The following ZMYND8 variants were observed in gnomAD, a reference collection of about 807,000 sequenced individuals.
ZMYND8 encodes the protein MYND-type zinc finger-containing chromatin reader ZMYND8.
In ZMYND8, 37 loss-of-function variants were observed where a neutral mutation model predicts 140.8. That is an observed-to-expected ratio of 0.26 (90% CI 0.20 to 0.35). The LOEUF (loss-of-function observed/expected upper bound fraction) is 0.35. Ranked by LOEUF, ZMYND8 falls within the 10% of genes least tolerant of loss-of-function variation. ZMYND8 has a pLI of 1.00. For missense variants in ZMYND8, 1,068 were observed against 1,570.0 expected (o/e 0.68, Z 5.40); for synonymous variants, 592 against 597.1 (o/e 0.99, Z 0.12).
At chr20:47,314,064 C>G (rs2079177600) in intron 2 of ZMYND8, among the ~76,000 whole-genome samples, 1 of 151,718 alleles carries the variant, frequency 6.6e-6, no homozygotes, top group Non-Finnish European at 1.5e-5. Flanking sequence ...AAAAGTACAA[C>G]AAAGCTCGAC....
At chr20:47,240,493 G>A (rs749664133) in intron 14 of ZMYND8, among the ~76,000 whole-genome samples, 1 of 151,982 alleles carries the variant, frequency 6.6e-6, no homozygotes, top group South Asian at 2.1e-4. Flanking sequence ...CAGCCTGGGT[G>A]ACAGGGTGAG....
intron 11 of ZMYND8, among the ~76,000 whole-genome samples, chr20:47,273,206 G>T (rs554998805): frequency 6.6e-6 from 1 of 152,148 alleles, no homozygotes; most frequent in Admixed American, 6.5e-5. Flanking sequence ...GCGAAGAAAG[G>T]TATTTTAACA....
intron 2 of ZMYND8, chr20:47,319,177 G>T: frequency 2.0e-6 from 1 of 500,750 alleles, no homozygotes; most frequent in Non-Finnish European, 3.5e-6. Context: ...TCACCTCTTT[G>T]CAATCAGGCA....
chr20:47,302,887 G>A (rs1406890666), intron 3 of ZMYND8, among the ~76,000 whole-genome samples: 4 of 152,174 alleles, frequency 2.6e-5, no homozygotes, highest in African/African-American at 9.7e-5. Flanking sequence ...AGCATCCAGG[G>A]CACAGGCTCT....
At chr20:47,339,565 C>T (rs537252769) in intron 2 of ZMYND8, among the ~76,000 whole-genome samples, 1 of 152,100 alleles carries the variant, frequency 6.6e-6, no homozygotes, top group South Asian at 2.1e-4. Context: ...CAAGCTCCGC[C>T]TCCCGGGTTC....
intron 17 of ZMYND8, among the ~76,000 whole-genome samples, chr20:47,229,358 C>T (rs1601021701): frequency 6.6e-6 from 1 of 152,018 alleles, no homozygotes; most frequent in Non-Finnish European, 1.5e-5. Context: ...GACTCCAGTA[C>T]ACAAATTATT....
At chr20:47,332,307 T>A (rs185860721) in intron 2 of ZMYND8, among the ~76,000 whole-genome samples, 261 of 151,706 alleles carry the variant, frequency 1.7e-3, no homozygotes, top group Non-Finnish European at 3.2e-3. Context: ...TGAGACTCAA[T>A]CTCAAAAAAA....
chr20:47,221,335 C>G lies in ZMYND8; in HGVS notation c.3396G>C (p.Glu1132Asp). Reference protein sequence around the residue: ...SASKEKETSAEKSKESGSTLD... With the variant: ...SASKEKETSADKSKESGSTLD... The stretch of plus-strand genomic sequence containing the variant: ...TCACCGAGCCACTCTCCTTGCTTTT[C>G]TCAGCTGACGTCTCCTTCTCTTTGG... The change falls in exon 20 of 23, where the codon GAG becomes GAC. Residue 1132 changes from glutamate to aspartate, a missense_variant. By Grantham distance (45) the Glu-to-Asp change is conservative. Transcript: ENST00000471951. 6.2e-7 allele frequency: 1 copy of G among 1,614,170 alleles called. No individual in the cohort carries two copies.
chr20:47,264,435 C>T (rs912660175), intron 11 of ZMYND8, among the ~76,000 whole-genome samples: 1 of 152,192 alleles, frequency 6.6e-6, no homozygotes, highest in Admixed American at 6.5e-5. Context: ...TGCTATCACA[C>T]CCGGCTATTT....
intron 22 of ZMYND8, among the ~76,000 whole-genome samples, chr20:47,211,764 GATA>G (rs955825454): frequency 1.9e-4 from 29 of 152,196 alleles, no homozygotes; most frequent in African/African-American, 6.8e-4. Flanking sequence ...TAAGGTGGGT[GATA>G]ATGTTTGGTT....
At chr20:47,309,124 G>A (rs1455168219) in intron 3 of ZMYND8, among the ~76,000 whole-genome samples, 1 of 152,094 alleles carries the variant, frequency 6.6e-6, no homozygotes, top group Non-Finnish European at 1.5e-5. Context: ...GAATTCTAAA[G>A]CTAGAATGTC....
intron 19 of ZMYND8, among the ~76,000 whole-genome samples, chr20:47,223,382 T>C (rs754027124): frequency 8.6e-5 from 13 of 151,812 alleles, no homozygotes; most frequent in Non-Finnish European, 1.9e-4. Context: ...GATGTGTGCC[T>C]GTAATACCAG....
chr20:47,235,706 CAAA>C (rs199680083), intron 16 of ZMYND8, among the ~76,000 whole-genome samples: 2 of 107,482 alleles, frequency 1.9e-5, no homozygotes, highest in African/African-American at 3.2e-5. Flanking sequence ...GACTCCATCT[CAAA>C]AAAAAAAAAA....
intron 4 of ZMYND8, among the ~76,000 whole-genome samples, chr20:47,296,734 T>C (rs567409603): frequency 2.0e-5 from 3 of 152,210 alleles, no homozygotes; most frequent in South Asian, 2.1e-4. Context: ...GGTGGGAGGA[T>C]CGCTTGAGCC....
chr20:47,354,805 ACT>A (rs1491519439), intron 1 of ZMYND8, among the ~76,000 whole-genome samples: 6 of 152,084 alleles, frequency 3.9e-5, no homozygotes, highest in African/African-American at 1.2e-4. Flanking sequence ...GCTAAACAAG[ACT>A]CTACTTTTCC....
At chr20:47,353,487 T>C (rs2082966305) in intron 1 of ZMYND8, 1 of 152,214 alleles carries the variant, frequency 6.6e-6, no homozygotes, top group Non-Finnish European at 1.5e-5. Context: ...AGTGATTATA[T>C]ATAATTAATT....
rs1317024938 is a variant in ZMYND8, at chr20:47,238,774, G to T, written c.2649C>A (p.Thr883=). The T allele has an allele frequency of 6.2e-7, 1 of 1,612,280 alleles. No individual in the cohort carries two copies. The highest frequency in any genetic ancestry group is 1.3e-5 in the African/African-American group (1 of 74,872). The stretch of plus-strand genomic sequence containing the variant: ...GCTCGGTACCTTTCACAGCCTGTCT[G>T]GTCTGATATCTCGTCCCCTGGGAAG... ...PQSSQGTRYQ[T]RQAVKAVQQK... The change falls in exon 15 of 23, where the codon ACC becomes ACA. Residue 883 remains threonine (T), a synonymous_variant. Coordinates refer to ENST00000471951, the MANE Select transcript of ZMYND8 (RefSeq NM_001281775.3).
Position 47,298,694 on chromosome 20 carries a change from G to A in ZMYND8, c.453+35C>T, listed in dbSNP as rs142356868. Reference sequence around the variant, plus strand: ...GGAAGAAAGAGAAAGGAGAGGAAACGAGGCAGGTAATGCATTCATTCATCA... The same window carrying A: ...GGAAGAAAGAGAAAGGAGAGGAAACAAGGCAGGTAATGCATTCATTCATCA... On this transcript the variant is annotated intron_variant, in intron 4 of 22. Transcript: ENST00000471951. This position sits in a 1 kb window ranked among gnomAD's most constrained non-coding sequence, Gnocchi z 5.0. 1.8e-5 allele frequency: 29 copies of A among 1,588,054 alleles called. No homozygotes were observed. The highest frequency in any genetic ancestry group is 3.3e-4 in the Middle Eastern group (2 of 6,024).
chr20:47,353,369 C>A (rs1222032323), intron 1 of ZMYND8: 2 of 152,226 alleles, frequency 1.3e-5, no homozygotes, highest in Non-Finnish European at 2.9e-5. Flanking sequence ...TTGTTTCTTT[C>A]TGACTCAAAT....
Sources: allele counts gnomAD v4.1 joint callset (sites outside exome capture counted in the v4.1 genomes callset), GRCh38; gene constraint gnomAD v4.1.1; non-coding constraint Gnocchi (gnomAD v3.1); transcripts MANE v1.5; gene names NCBI Gene and HGNC (gene_info 2026-07-23, HGNC 2026-07-21).